SF3B2: variants seen among roughly 807,000 people sequenced by gnomAD.
SF3B2 encodes the protein SAP 145.
A neutral mutation model predicts 116.3 loss-of-function variants in SF3B2; 22 were observed. The observed-to-expected ratio is 0.19, with a 90% CI of 0.14 to 0.27. The LOEUF (loss-of-function observed/expected upper bound fraction) is 0.27. SF3B2 is among the 10% of genes least tolerant of loss of function. The pLI is 1.00. For missense variants in SF3B2, 767 were observed against 1,151.4 expected (o/e 0.67, Z 4.83); for synonymous variants, 406 against 421.6 (o/e 0.96, Z 0.45).
Position 66,068,292 on chromosome 11 carries a change from G to C in SF3B2, c.2575G>C (p.Asp859His). 6.2e-7 allele frequency: 1 copy of C among 1,613,736 alleles called. No individual in the cohort carries two copies. Among genetic ancestry groups the C allele is most frequent in the Non-Finnish European group, 8.5e-7 (1 of 1,179,968 alleles). Reference sequence around the variant, plus strand: ...GCAGCAGGCTCAAGTAGAGAAGGAGGACTTCAGTGACATGGTGGCTGAGCA... The same window carrying C: ...GCAGCAGGCTCAAGTAGAGAAGGAGCACTTCAGTGACATGGTGGCTGAGCA... ...REQQAQVEKE[D>H]FSDMVAEHAA... is the part of the protein sequence containing the mutation. Residue 859 changes from aspartate (D) to histidine (H), a missense_variant, in exon 21 of 22, where the codon GAC (aspartate) becomes CAC (histidine). Coordinates refer to ENST00000322535, the MANE Select transcript of SF3B2 (RefSeq NM_006842.3).
chr11:66,058,901 C>A lies in SF3B2; in HGVS notation c.1038C>A (p.Ser346Arg), dbSNP rs754290084. The change falls in exon 10 of 22, where the codon AGC becomes AGA. Residue 346 changes from serine to arginine, a missense_variant. Transcript: ENST00000322535. ...PQRVRGVSSE[S>R]SGDREKDSTR... Reference sequence around the variant, plus strand: ...GGGTGCGAGGGGTGTCCTCTGAGAGCTCTGGGGACCGGGAGAAAGACTCAA... The same window carrying A: ...GGGTGCGAGGGGTGTCCTCTGAGAGATCTGGGGACCGGGAGAAAGACTCAA... The A allele has an allele frequency of 6.2e-7, 1 of 1,614,110 alleles. No individual in the cohort carries two copies. The highest frequency in any genetic ancestry group is 8.5e-7 in the Non-Finnish European group (1 of 1,180,024).
In SF3B2 at chr11:66,053,100, C is replaced by G; in HGVS notation, c.254C>G (p.Ala85Gly). The change falls in exon 3 of 22, where the codon GCA becomes GGA. Residue 85 changes from alanine (A) to glycine (G), a missense_variant. Coordinates refer to ENST00000322535, the MANE Select transcript of SF3B2 (RefSeq NM_006842.3). ...AAAGCCGCTCCACCTCCCATGTCGGCACAGGTAGGGAGATTCTTCTGTTTT... is the reference window on the plus strand; with the variant it reads ...AAAGCCGCTCCACCTCCCATGTCGGGACAGGTAGGGAGATTCTTCTGTTTT... ...GDKAAPPPMS[A>G]QLPGIPMPPP... is the part of the protein sequence containing the mutation. The G allele has an allele frequency of 6.2e-7, 1 of 1,613,764 alleles. No individual in the cohort carries two copies. Among genetic ancestry groups the G allele is most frequent in the Non-Finnish European group, 8.5e-7 (1 of 1,179,760 alleles).
In SF3B2 at chr11:66,052,384, G is replaced by A; in HGVS notation, c.-1G>A. The A allele has an allele frequency of 6.2e-7, 1 of 1,609,998 alleles. No homozygotes were observed. The highest frequency in any genetic ancestry group is 1.1e-5 in the South Asian group (1 of 90,894). ...TGGTCGCGCGCCTTCCTGCGGCTAA[G>A]ATGGCGACGGAGCATCCCGAGCCTC... On this transcript the variant is annotated 5_prime_UTR_variant, in exon 1 of 22. Transcript: ENST00000322535.
intron 6 of SF3B2, 63 bp from the exon 7 acceptor site, chr11:66,057,203 G>A: frequency 9.2e-7 from 1 of 1,081,788 alleles, no homozygotes; most frequent in Non-Finnish European, 1.4e-6. Flanking sequence ...CAGCAAGAGA[G>A]GTAATTTTTT....
intron 5 of SF3B2, among the ~76,000 whole-genome samples, chr11:66,056,335 G>C (rs2135040351): frequency 6.6e-6 from 1 of 150,910 alleles, no homozygotes; most frequent in South Asian, 2.1e-4. Flanking sequence ...GGGAGGCCGA[G>C]GTTGCAGTGA....
chr11:66,057,268 G>T lies in SF3B2; in HGVS notation c.670G>T (p.Ala224Ser). Residue 224 changes from alanine to serine, a missense_variant and splice_region_variant, in exon 7 of 22, where the codon GCT becomes TCT. Ala to Ser is a moderately conservative substitution (Grantham distance 99). Transcript: ENST00000322535. ...GVRTPLGPRV[A>S]APVGPVGPTP... ...GATTTCTTTTTCCCGTCTCTTAGTA[G>T]CTGCTCCAGTGGGCCCAGTGGGCCC... 1.3e-6 allele frequency: 2 copies of T among 1,589,778 alleles called. No individual in the cohort carries two copies. Among genetic ancestry groups the T allele is most frequent in the Admixed American group, 3.3e-5 (2 of 59,998 alleles).
intron 2 of SF3B2, 47 bp from the exon 3 acceptor site, chr11:66,052,980 T>C (rs997480516): frequency 5.7e-6 from 9 of 1,574,028 alleles, no homozygotes; most frequent in Non-Finnish European, 7.9e-6. Flanking sequence ...CGTCGTTTAG[T>C]GAAACAGCTA....
chr11:66,056,343 T>C (rs1856993149), intron 5 of SF3B2, among the ~76,000 whole-genome samples: 1 of 139,226 alleles, frequency 7.2e-6, no homozygotes, highest in African/African-American at 2.7e-5. Context: ...GAGGTTGCAG[T>C]GAGCTGAGAT....
chr11:66,065,145 T>A (rs554226810), intron 19 of SF3B2: 1 of 152,316 alleles, frequency 6.6e-6, no homozygotes, highest in South Asian at 2.1e-4. Context: ...CTAATTTTTA[T>A]ATTTTTAGTA....
At position 66,069,019 on chromosome 11, in the gene SF3B2, A is replaced by C. The variant is rs1469481425; in HGVS notation, c.*274A>C. On this transcript the variant is annotated 3_prime_UTR_variant, in exon 22 of 22. Transcript: ENST00000322535. ...GTAACCACGAACATAAACTGGGATT[A>C]GACGGCGCATTTGACTGGTGGTGAC... 1 of 450,866 alleles carries C rather than the reference A, an allele frequency of 2.2e-6. No individual in the cohort carries two copies. The highest frequency in any genetic ancestry group is 4.1e-6 in the Non-Finnish European group (1 of 243,030). 27.9% of individuals were successfully genotyped at this position (450,866 alleles called of 1,614,324 possible).
chr11:66,054,376 C>T (rs1300968275), intron 3 of SF3B2, among the ~76,000 whole-genome samples: 1 of 151,692 alleles, frequency 6.6e-6, no homozygotes, highest in Non-Finnish European at 1.5e-5. Flanking sequence ...ACTTGGGAGG[C>T]TGAGGCACGA....
chr11:66,062,590 A>T (rs1338669512), intron 16 of SF3B2, among the ~76,000 whole-genome samples: 1 of 151,880 alleles, frequency 6.6e-6, no homozygotes, highest in Non-Finnish European at 1.5e-5. Context: ...ATAAGCATTA[A>T]AAAAATTGAT....
In SF3B2 at chr11:66,058,296, C is replaced by A. The variant is rs367988082; in HGVS notation, c.875-18C>A. 2.3e-4 allele frequency: 374 copies of A among 1,609,974 alleles called. No homozygotes were observed. The highest frequency in any genetic ancestry group is 2.9e-4 in the Non-Finnish European group (343 of 1,176,586). On this transcript the variant is annotated intron_variant, in intron 8 of 21. Coordinates refer to ENST00000322535, the MANE Select transcript of SF3B2 (RefSeq NM_006842.3). ...GCAGTGGCACCGTGAAGACTCATCA[C>A]CACCTTCTTCCTTACAGAGGAAGAG...
At chr11:66,055,888 A>AGAG (rs1856985268) in intron 5 of SF3B2, 3 of 366,428 alleles carry the variant, frequency 8.2e-6, no homozygotes, top group Non-Finnish European at 9.7e-6. Context: ...TAAAATATTT[A>AGAG]CCTTCTGACC....
intron 13 of SF3B2, among the ~76,000 whole-genome samples, 176 bp downstream of exon 13, chr11:66,060,185 A>C (rs1857077249): frequency 6.6e-6 from 1 of 152,076 alleles, no homozygotes; most frequent in Non-Finnish European, 1.5e-5. Flanking sequence ...TTGCCAGCTC[A>C]CCTGGTGACT....
At chr11:66,062,385 CCAG>C (rs1352538241) in intron 16 of SF3B2, among the ~76,000 whole-genome samples, 1 of 151,458 alleles carries the variant, frequency 6.6e-6, no homozygotes, top group East Asian at 1.9e-4. Context: ...ACCTGTAATC[CCAG>C]CACTTTGGGA....
At chr11:66,055,618 G>A in intron 5 of SF3B2, 33 bp downstream of exon 5, 1 of 1,607,188 alleles carries the variant, frequency 6.2e-7, no homozygotes, top group African/African-American at 1.3e-5. Context: ...TTGACCTCGT[G>A]GTCCAGTCAG....
At chr11:66,060,150 G>A in intron 13 of SF3B2, 141 bp downstream of exon 13, 1 of 768,826 alleles carries the variant, frequency 1.3e-6, no homozygotes, top group Non-Finnish European at 2.1e-6. Context: ...TTCCTCCTCT[G>A]CTCTTCCTCC....
At chr11:66,063,852 C>T in intron 19 of SF3B2, 123 bp downstream of exon 19, 3 of 729,846 alleles carry the variant, frequency 4.1e-6, no homozygotes, top group Non-Finnish European at 6.5e-6. Context: ...CTCTGCCAGG[C>T]ACTACTGTAG....
Sources: gnomAD v4.1 joint callset for allele counts (sites outside exome capture counted in the v4.1 genomes callset) on GRCh38, gnomAD v4.1.1 for gene constraint, MANE v1.5 for transcripts, NCBI Gene and HGNC (gene_info 2026-07-23, HGNC 2026-07-21) for gene names.